GLIS1: variants seen among roughly 807,000 people sequenced by gnomAD.
The protein encoded by GLIS1 is GLIS family zinc finger 1.
In GLIS1, 24 loss-of-function variants were observed where a neutral mutation model predicts 63.8. The observed-to-expected ratio is 0.38, with a 90% CI of 0.27 to 0.53. GLIS1 has a LOEUF of 0.53. Among genes scored for constraint, GLIS1 ranks in the 20% least tolerant of loss-of-function variants. The pLI, the probability that GLIS1 is intolerant of heterozygous loss-of-function variation, is 0.85. For synonymous variants in GLIS1, 450 were observed against 482.5 expected (o/e 0.93, Z 0.88); for missense variants, 1,036 against 1,074.1 (o/e 0.96, Z 0.50).
intron 2 of GLIS1, among the ~76,000 whole-genome samples, chr1:53,706,340 A>G (rs757007935): frequency 3.1e-4 from 47 of 152,216 alleles, no homozygotes; most frequent in Non-Finnish European, 4.8e-4. Context: ...AAGCACTTAC[A>G]TGACAGAGTC....
chr1:53,710,587 A>G (rs1309061697), intron 2 of GLIS1, among the ~76,000 whole-genome samples: 3 of 152,240 alleles, frequency 2.0e-5, no homozygotes, highest in Non-Finnish European at 4.4e-5. Context: ...AATAACACCT[A>G]CTTCACAGGG....
chr1:53,536,839 C>T (rs2100353871), intron 4 of GLIS1, among the ~76,000 whole-genome samples: 1 of 152,216 alleles, frequency 6.6e-6, no homozygotes, highest in East Asian at 1.9e-4. Flanking sequence ...TGGATGCCTC[C>T]ATGCAGAAAG....
chr1:53,631,104 T>G (rs1645647619), intron 2 of GLIS1, among the ~76,000 whole-genome samples: 1 of 152,230 alleles, frequency 6.6e-6, no homozygotes, highest in Non-Finnish European at 1.5e-5. Flanking sequence ...TTTATAACTT[T>G]TTCCCCATAA....
At position 53,542,246 on chromosome 1, in the gene GLIS1, C is replaced by T. The variant is rs547364832; in HGVS notation, c.1321-12294G>A. On this transcript the variant is annotated intron_variant, in intron 4 of 10. Coordinates refer to ENST00000628545, the MANE Select transcript of GLIS1 (RefSeq NM_001367484.1). ...GAATAGCACTGCACCTCCACTCAAGCGCCGGGGGGAAGGAGATGACTTAGC... is the reference window on the plus strand; with the variant it reads ...GAATAGCACTGCACCTCCACTCAAGTGCCGGGGGGAAGGAGATGACTTAGC... Among the ~76,000 whole-genome samples the T allele has an allele frequency of 1.2e-4, 18 of 152,350 alleles. No individual in the cohort carries two copies. The South Asian group carries it at 3.3e-3, about 28-fold the overall frequency.
intron 4 of GLIS1, among the ~76,000 whole-genome samples, chr1:53,591,557 A>G (rs1645193389): frequency 6.6e-6 from 1 of 152,212 alleles, no homozygotes; most frequent in African/African-American, 2.4e-5. Flanking sequence ...TATTCTTATT[A>G]TAACTGTTGT....
chr1:53,666,095 AG>A (rs535808394), intron 2 of GLIS1, among the ~76,000 whole-genome samples: 229 of 152,366 alleles, frequency 1.5e-3, no homozygotes, highest in Non-Finnish European at 2.5e-3. Context: ...TTACACAGCC[AG>A]GAAGTGGTGA....
chr1:53,526,597 C>T lies in GLIS1; in HGVS notation c.1483-1710G>A, dbSNP rs3855965. ...ACACACACCACACCATACACACCCA[C>T]GCACGGCACACACACGTGCGTTCAC... On this transcript the variant is annotated intron_variant, in intron 5 of 10. Transcript: ENST00000628545. The surrounding 1 kb of genome is among the most constrained non-coding windows in gnomAD (Gnocchi z 4.4). 0.69 allele frequency among the ~76,000 whole-genome samples: 104,925 copies of T among 152,060 alleles called. 39,669 individuals are homozygous for T. The highest frequency in any genetic ancestry group is 0.85 in the Non-Finnish European group (57,865 of 67,956).
intron 2 of GLIS1, among the ~76,000 whole-genome samples, chr1:53,681,328 A>T (rs1423643566): frequency 6.6e-6 from 1 of 152,242 alleles, no homozygotes; most frequent in Non-Finnish European, 1.5e-5. Flanking sequence ...GGCCAGCCAC[A>T]GTTGTCCAAC....
At chr1:53,558,826 T>C (rs1472134710) in intron 4 of GLIS1, among the ~76,000 whole-genome samples, 1 of 152,228 alleles carries the variant, frequency 6.6e-6, no homozygotes, top group African/African-American at 2.4e-5. Context: ...ACGTGTTGAA[T>C]ACCCTTGATC....
intron 2 of GLIS1, among the ~76,000 whole-genome samples, chr1:53,667,517 G>A (rs1646105824): frequency 6.6e-6 from 1 of 152,172 alleles, no homozygotes; most frequent in African/African-American, 2.4e-5. Flanking sequence ...TCCTGGTCTG[G>A]CCCCAAGGTC....
In GLIS1 at chr1:53,570,781, A is replaced by T. The variant is rs1166227712; in HGVS notation, c.1320+23327T>A. Among the ~76,000 whole-genome samples the T allele has an allele frequency of 1.3e-5, 2 of 152,214 alleles. 1 individual carries two copies. On this transcript the variant is annotated intron_variant, in intron 4 of 10. Transcript: ENST00000628545. ...TGGATATCCAGCTGGAAACAAATCA[A>T]ACTGGATTCCTACCTCATACCATAT... is the stretch of plus-strand genomic sequence containing the variant.
intron 6 of GLIS1, among the ~76,000 whole-genome samples, 200 bp from the exon 7 acceptor site, chr1:53,520,966 A>T (rs1644402341): frequency 6.6e-6 from 1 of 152,258 alleles, no homozygotes; most frequent in Non-Finnish European, 1.5e-5. Flanking sequence ...TTTGAGAAGC[A>T]GATGCCAAGA....
chr1:53,559,470 T>C (rs1299156515), intron 4 of GLIS1, among the ~76,000 whole-genome samples: 1 of 152,110 alleles, frequency 6.6e-6, no homozygotes, highest in African/African-American at 2.4e-5. Context: ...TGCCCATCCT[T>C]CCGAGCCTGC....
intron 7 of GLIS1, among the ~76,000 whole-genome samples, chr1:53,517,755 C>T (rs1188571931): frequency 6.6e-6 from 1 of 152,178 alleles, no homozygotes; most frequent in Non-Finnish European, 1.5e-5. Flanking sequence ...CACCCTCTCC[C>T]CTCTGTTCTG....
At chr1:53,579,544 T>C (rs1645065211) in intron 4 of GLIS1, among the ~76,000 whole-genome samples, 1 of 152,232 alleles carries the variant, frequency 6.6e-6, no homozygotes, top group African/African-American at 2.4e-5. Context: ...ATTAAAGAGC[T>C]GGTGCTTCGA....
intron 2 of GLIS1, among the ~76,000 whole-genome samples, chr1:53,650,815 G>T (rs963605974): frequency 1.3e-5 from 2 of 152,186 alleles, no homozygotes; most frequent in Non-Finnish European, 2.9e-5. Context: ...CACCCCGTCT[G>T]CCCACTGCAA....
intron 4 of GLIS1, among the ~76,000 whole-genome samples, chr1:53,590,380 A>G (rs1214776093): frequency 2.6e-5 from 4 of 152,124 alleles, no homozygotes; most frequent in Non-Finnish European, 5.9e-5. Context: ...CAGCTTTGGT[A>G]AAACTCTTCA....
chr1:53,722,743 A>C (rs564282718), intron 2 of GLIS1, among the ~76,000 whole-genome samples: 1 of 151,098 alleles, frequency 6.6e-6, no homozygotes, highest in East Asian at 1.9e-4. Flanking sequence ...TGAGGCGGGA[A>C]ATCACCTGAG....
chr1:53,514,723 T>G lies in GLIS1; in HGVS notation c.1785A>C (p.Pro595=), dbSNP rs1266159363. ...GGTGCCTGGAAGGTACGTCGTGCGCTGGGGGCAGGAGGCCCGATGCAAGTC... is the reference window on the plus strand; with the variant it reads ...GGTGCCTGGAAGGTACGTCGTGCGCGGGGGGCAGGAGGCCCGATGCAAGTC... The part of the protein sequence containing the change: ...HNGLASGLLP[P]AHDVPSRHHP... The change falls in exon 8 of 11, where the codon CCA becomes CCC. Residue 595 remains proline (P), a synonymous_variant. Coordinates refer to ENST00000628545, the MANE Select transcript of GLIS1 (RefSeq NM_001367484.1). 2 of 1,612,792 alleles carry G rather than the reference T, an allele frequency of 1.2e-6. No homozygotes were observed. Among genetic ancestry groups the G allele is most frequent in the Admixed American group, 3.3e-5 (2 of 59,846 alleles).
Sources: allele counts gnomAD v4.1 joint callset (sites outside exome capture counted in the v4.1 genomes callset), GRCh38; gene constraint gnomAD v4.1.1; non-coding constraint Gnocchi (gnomAD v3.1); transcripts MANE v1.5; gene names NCBI Gene and HGNC (gene_info 2026-07-23, HGNC 2026-07-21).